MYL10: variants seen among roughly 807,000 people sequenced by gnomAD.
The protein encoded by MYL10 is myosin regulatory light chain 10.
MYL10 carries 18 observed loss-of-function variants against 21.9 expected under a neutral mutation model. The observed-to-expected ratio is 0.82, with a 90% CI of 0.57 to 1.22. The LOEUF (loss-of-function observed/expected upper bound fraction) is 1.22, where lower values mean the gene tolerates loss of function less well. Among genes scored for constraint, MYL10 ranks in the 50% most tolerant of loss-of-function variants. The pLI is 0.00. For synonymous variants in MYL10, 88 were observed against 82.8 expected (o/e 1.06, Z -0.34); for missense variants, 225 against 230.4 (o/e 0.98, Z 0.15).
chr7:101,615,776 C>T (rs1421110591), intron 6 of MYL10, among the ~76,000 whole-genome samples: 1 of 149,166 alleles, frequency 6.7e-6, no homozygotes, highest in African/African-American at 2.5e-5. Context: ...CTCACTGCAA[C>T]CTCCACTTCC....
At chr7:101,618,415 G>A (rs1238482043) in intron 5 of MYL10, among the ~76,000 whole-genome samples, 2 of 152,216 alleles carry the variant, frequency 1.3e-5, no homozygotes, top group Non-Finnish European at 2.9e-5. Context: ...AATTCCCAAC[G>A]TCTTTGAAGA....
intron 1 of MYL10, among the ~76,000 whole-genome samples, chr7:101,626,344 G>A (rs529591102): frequency 6.6e-6 from 1 of 152,330 alleles, no homozygotes; most frequent in African/African-American, 2.4e-5. Flanking sequence ...GAAGATCACA[G>A]TCCCGCTGGT....
rs775131525 is a variant in MYL10, at chr7:101,624,236, T to C, written c.107A>G (p.Glu36Gly). The C allele has an allele frequency of 7.4e-6, 12 of 1,613,710 alleles. No individual in the cohort carries two copies. The highest frequency in any genetic ancestry group is 1.0e-5 in the Non-Finnish European group (12 of 1,179,896). The change falls in exon 2 of 8, where the codon GAA (glutamate) becomes GGA (glycine). Residue 36 changes from glutamate to glycine, a missense_variant. Transcript: ENST00000223167. ...QAPRRARKRAEGTASSNVFSM... is the reference protein window; with the variant it reads ...QAPRRARKRAGGTASSNVFSM... The stretch of plus-strand genomic sequence containing the variant: ...GAAGACGTTGGAGCTGGCGGTGCCT[T>C]CTGCTCTTTTCCGAGCTCTTCTCGG...
chr7:101,627,844 T>C (rs1562827782), intron 1 of MYL10, among the ~76,000 whole-genome samples: 1 of 152,214 alleles, frequency 6.6e-6, no homozygotes, highest in Non-Finnish European at 1.5e-5. Flanking sequence ...CCTTGAGCCG[T>C]CAGGGAGTGT....
chr7:101,628,221 A>G (rs1378616920), intron 1 of MYL10, among the ~76,000 whole-genome samples: 1 of 152,206 alleles, frequency 6.6e-6, no homozygotes, highest in East Asian at 1.9e-4. Context: ...TCGGAGGCCA[A>G]GAGGGAAGGA....
At chr7:101,622,298 G>GC (rs768397017) in intron 4 of MYL10, 98 bp from the exon 5 acceptor site, 47 of 894,046 alleles carry the variant, frequency 5.3e-5, no homozygotes, top group East Asian at 3.6e-4. Flanking sequence ...TGCTCCACGT[G>GC]CCCCCCACTC....
intron 1 of MYL10, among the ~76,000 whole-genome samples, chr7:101,624,932 C>T (rs541097224): frequency 6.6e-6 from 1 of 152,166 alleles, no homozygotes; most frequent in South Asian, 2.1e-4. Flanking sequence ...GGCCACTCTC[C>T]CCTCCCCACA....
At chr7:101,615,567 C>T (rs1258164328) in intron 6 of MYL10, among the ~76,000 whole-genome samples, 1 of 143,622 alleles carries the variant, frequency 7.0e-6, no homozygotes, top group Non-Finnish European at 1.5e-5. Flanking sequence ...GCCCTCCAAG[C>T]TCTCTGTTCC....
intron 6 of MYL10, 126 bp downstream of exon 6, chr7:101,616,094 T>G (rs572863199): frequency 1.4e-6 from 1 of 706,258 alleles, no homozygotes; most frequent in Non-Finnish European, 2.5e-6. Context: ...GCGATATCAC[T>G]GGGCTGGGCA....
At chr7:101,625,593 G>T (rs1206413804) in intron 1 of MYL10, among the ~76,000 whole-genome samples, 1 of 151,750 alleles carries the variant, frequency 6.6e-6, no homozygotes, top group Non-Finnish European at 1.5e-5. Flanking sequence ...CCGCCCAGGA[G>T]CCCGCGTCGT....
intron 5 of MYL10, among the ~76,000 whole-genome samples, chr7:101,619,889 CA>C (rs60752793): frequency 8.8e-5 from 9 of 102,618 alleles, no homozygotes; most frequent in Admixed American, 2.4e-4. Flanking sequence ...GACTCCGTCT[CA>C]AAAAAAAAAA....
At chr7:101,626,387 G>A (rs954981513) in intron 1 of MYL10, among the ~76,000 whole-genome samples, 3 of 152,196 alleles carry the variant, frequency 2.0e-5, no homozygotes, top group Non-Finnish European at 4.4e-5. Flanking sequence ...ACTCGGAGGA[G>A]GGACAAGCGC....
rs1562823276 is a variant in MYL10 at position 101,616,302 on chromosome 7, T to G, written c.455-4A>C. On this transcript the variant is annotated splice_region_variant and splice_polypyrimidine_tract_variant and intron_variant, in intron 5 of 7. Coordinates refer to ENST00000223167, the MANE Select transcript of MYL10 (RefSeq NM_138403.5). Reference sequence around the variant, plus strand: ...ATGGTCTCCTCTGGGTCCGTGCCTATAAGCAGCACATACAGGGCAGGGAGA... The same window carrying G: ...ATGGTCTCCTCTGGGTCCGTGCCTAGAAGCAGCACATACAGGGCAGGGAGA... 1 of 1,613,106 alleles carries G rather than the reference T, an allele frequency of 6.2e-7. No homozygotes were observed. Among genetic ancestry groups the G allele is most frequent in the Non-Finnish European group, 8.5e-7 (1 of 1,179,144 alleles).
At chr7:101,625,981 G>A (rs558002068) in intron 1 of MYL10, among the ~76,000 whole-genome samples, 1 of 151,750 alleles carries the variant, frequency 6.6e-6, no homozygotes, top group Non-Finnish European at 1.5e-5. Flanking sequence ...ACGAGGGAGG[G>A]AGAGATCATT....
At chr7:101,613,872 G>A (rs966201958) in intron 6 of MYL10, among the ~76,000 whole-genome samples, 162 bp from the exon 7 acceptor site, 15 of 152,084 alleles carry the variant, frequency 9.9e-5, no homozygotes, top group Admixed American at 7.9e-4. Context: ...TGGCCAAGTA[G>A]CTTCTGAACC....
intron 1 of MYL10, chr7:101,627,585 T>TGGAA (rs921290299): frequency 6.5e-6 from 1 of 152,732 alleles, no homozygotes; most frequent in Non-Finnish European, 1.5e-5. Context: ...GGGCCCAGTG[T>TGGAA]GGAAGGTGAT....
intron 1 of MYL10, among the ~76,000 whole-genome samples, chr7:101,624,885 C>A (rs1021254733): frequency 6.6e-6 from 1 of 152,058 alleles, no homozygotes; most frequent in Admixed American, 6.6e-5. Flanking sequence ...AGGCTCAGCT[C>A]CCTGTCACCT....
At chr7:101,615,999 T>C (rs1421105983) in intron 6 of MYL10, among the ~76,000 whole-genome samples, 1 of 152,096 alleles carries the variant, frequency 6.6e-6, no homozygotes, top group East Asian at 1.9e-4. Flanking sequence ...GCGCCCAGCC[T>C]GACCCACCAT....
rs773933258 is a variant in MYL10, at chr7:101,622,113, A to G, written c.437T>C (p.Phe146Ser). ...TGGCTCACCCTTCAGCTTCTCCCCA[A>G]ACATGGTCAGGAACACCGTGAAGTT... ...PINFTVFLTMFGEKLKGTDPE... is the reference protein window; with the variant it reads ...PINFTVFLTMSGEKLKGTDPE... Residue 146 changes from phenylalanine (F) to serine (S), a missense_variant, in exon 5 of 8, where the codon TTT becomes TCT. Phe to Ser is a radical substitution (Grantham distance 155, BLOSUM62 -2). Coordinates refer to ENST00000223167, the MANE Select transcript of MYL10 (RefSeq NM_138403.5). 25 of 1,613,302 alleles carry G rather than the reference A, an allele frequency of 1.5e-5. No homozygotes were observed. Among genetic ancestry groups the G allele is most frequent in the Middle Eastern group, 1.6e-4 (1 of 6,080 alleles).
Sources: allele counts gnomAD v4.1 joint callset (sites outside exome capture counted in the v4.1 genomes callset), GRCh38; gene constraint gnomAD v4.1.1; transcripts MANE v1.5; gene names NCBI Gene and HGNC (gene_info 2026-07-23, HGNC 2026-07-21).